Variants in BCL2L13 observed in about 807,000 individuals in gnomAD.
The protein encoded by BCL2L13 is BCL2 like 13, also known as bcl-2-like protein 13.
Under a neutral mutation model 25.8 loss-of-function variants are expected in BCL2L13, and 13 were observed. That is an observed-to-expected ratio of 0.50 (90% confidence interval 0.33 to 0.80). The LOEUF is 0.80. Ranked by LOEUF, BCL2L13 falls within the 30% of genes least tolerant of loss-of-function variation. The probability of loss-of-function intolerance (pLI) is 0.02; values close to 1 mark genes in which losing one functional copy is unlikely to be tolerated. For missense variants in BCL2L13, 504 were observed against 574.9 expected (o/e 0.88, Z 1.26); for synonymous variants, 244 against 230.3 (o/e 1.06, Z -0.54).
chr22:17,700,861 CT>C, intron 5 of BCL2L13, among the ~76,000 whole-genome samples: 1 of 152,282 alleles, frequency 6.6e-6, no homozygotes, highest in East Asian at 1.9e-4. Flanking sequence ...CTCTTCGTTT[CT>C]TTAGAAGCCA....
At chr22:17,716,641 A>G (rs1309266434) in intron 6 of BCL2L13, among the ~76,000 whole-genome samples, 3 of 152,230 alleles carry the variant, frequency 2.0e-5, no homozygotes, top group Admixed American at 1.3e-4. Context: ...GAAAACATTA[A>G]TGTGCTCAAG....
intron 4 of BCL2L13, among the ~76,000 whole-genome samples, chr22:17,693,507 G>A (rs1414257795): frequency 6.6e-6 from 1 of 150,966 alleles, no homozygotes; most frequent in Non-Finnish European, 1.5e-5. Flanking sequence ...AGTCTCCTGA[G>A]TAGCTGGGAT....
chr22:17,655,904 A>G, intron 2 of BCL2L13, 72 bp downstream of exon 2: 1 of 1,394,036 alleles, frequency 7.2e-7, no homozygotes. Context: ...ATATGTATCT[A>G]ATTTATATGT....
chr22:17,730,651 T>C lies in BCL2L13; in HGVS notation c.*3117T>C, dbSNP rs1395522465. 2.0e-5 allele frequency: 3 copies of C among 152,326 alleles called. No individual in the cohort carries two copies. Among genetic ancestry groups the C allele is most frequent in the Non-Finnish European group, 4.4e-5 (3 of 68,032 alleles). The allele number at this position is 152,326 out of a possible 1,614,324, so 9.4% of individuals were successfully genotyped here. On this transcript the variant is annotated 3_prime_UTR_variant, in exon 7 of 7. Transcript: ENST00000317582. ...TCCCTTTCTCTTAATTTCTTACATC[T>C]TTCCACACAAACTTATCTTTCCAAG...
chr22:17,719,966 A>G (rs926678992), intron 6 of BCL2L13, among the ~76,000 whole-genome samples: 1 of 152,170 alleles, frequency 6.6e-6, no homozygotes, highest in Non-Finnish European at 1.5e-5. Context: ...TTCTCAGAAT[A>G]GGCAATCCGT....
intron 2 of BCL2L13, among the ~76,000 whole-genome samples, chr22:17,664,422 C>G (rs552507336): frequency 9.8e-5 from 15 of 152,300 alleles, no homozygotes; most frequent in African/African-American, 2.9e-4. Context: ...GCCACCCCCC[C>G]CCGGCTCCTT....
intron 1 of BCL2L13, among the ~76,000 whole-genome samples, chr22:17,643,625 T>A (rs369260770): frequency 6.6e-6 from 1 of 152,082 alleles, no homozygotes; most frequent in South Asian, 2.1e-4. Context: ...TTTTTATTTT[T>A]ATTTTATTTA....
intron 6 of BCL2L13, among the ~76,000 whole-genome samples, chr22:17,721,021 G>A (rs1010792364): frequency 2.6e-5 from 4 of 151,824 alleles, no homozygotes; most frequent in African/African-American, 7.3e-5. Context: ...CAAAAAATTA[G>A]CCAGGCATGG....
At chr22:17,636,641 A>T (rs1601438947), upstream of BCL2L13, among the ~76,000 whole-genome samples, 1 of 151,724 alleles carries the variant, frequency 6.6e-6, no homozygotes, top group Non-Finnish European at 1.5e-5. Context: ...ATACAAAAAA[A>T]AAATATTAGC....
At chr22:17,651,205 G>A (rs1601515300) in intron 1 of BCL2L13, among the ~76,000 whole-genome samples, 1 of 151,772 alleles carries the variant, frequency 6.6e-6, no homozygotes, top group Non-Finnish European at 1.5e-5. Flanking sequence ...TCACCATGTT[G>A]GCCAGGATGG....
chr22:17,688,417 T>C (rs1431971691), intron 3 of BCL2L13, among the ~76,000 whole-genome samples: 1 of 152,226 alleles, frequency 6.6e-6, no homozygotes, highest in African/African-American at 2.4e-5. Flanking sequence ...AGTGCCAGTT[T>C]TATAAATGTA....
intron 1 of BCL2L13, among the ~76,000 whole-genome samples, chr22:17,646,951 ATATATTT>A (rs1470128878): frequency 2.8e-3 from 62 of 21,844 alleles, no homozygotes; most frequent in African/African-American, 0.01. Context: ...ATATATATAT[ATATATTT>A]TTTTTTTTTT....
At chr22:17,685,075 T>C (rs1327425625) in intron 3 of BCL2L13, among the ~76,000 whole-genome samples, 1 of 151,932 alleles carries the variant, frequency 6.6e-6, no homozygotes, top group Non-Finnish European at 1.5e-5. Flanking sequence ...GGTTTCTCCA[T>C]GTTGCTCAGG....
At chr22:17,633,296 G>A (rs58006890) in intron 1 of BCL2L13, among the ~76,000 whole-genome samples, 2,384 of 152,168 alleles carry the variant, frequency 0.016, 59 homozygotes, top group African/African-American at 0.053. Context: ...ATTCACCAAG[G>A]AACAGGCCAG....
At chr22:17,674,475 G>A (rs1004120951) in intron 2 of BCL2L13, among the ~76,000 whole-genome samples, 8 of 151,914 alleles carry the variant, frequency 5.3e-5, no homozygotes, top group South Asian at 2.1e-4. Flanking sequence ...GCATGGTTCC[G>A]GGCGCCTGTA....
chr22:17,684,493 G>T, intron 3 of BCL2L13: 1 of 436,846 alleles, frequency 2.3e-6, no homozygotes, highest in Non-Finnish European at 4.6e-6. Flanking sequence ...GGCACCCACT[G>T]ATCTCCATTC....
At position 17,683,211 on chromosome 22, in the gene BCL2L13, C is replaced by A; in HGVS notation, c.122-3C>A. The A allele has an allele frequency of 6.8e-7, 1 of 1,474,488 alleles. No homozygotes were observed. The allele number at this position is 1,474,488 out of a possible 1,614,324, so 91.3% of individuals were successfully genotyped here. On this transcript the variant is annotated splice_region_variant and splice_polypyrimidine_tract_variant and intron_variant, in intron 2 of 6. Transcript: ENST00000317582. ...CAATAATAACCTTTTTTGTTGCTTTCAGGGGTTCAACTAGATATAGCTTCA... is the reference window on the plus strand; with the variant it reads ...CAATAATAACCTTTTTTGTTGCTTTAAGGGGTTCAACTAGATATAGCTTCA...
At chr22:17,702,148 G>A in intron 5 of BCL2L13, 95 bp from the exon 6 acceptor site, 2 of 944,604 alleles carry the variant, frequency 2.1e-6, no homozygotes, top group Admixed American at 5.4e-5. Context: ...ATACCTTAAT[G>A]ATGCATTTAA....
intron 1 of BCL2L13, among the ~76,000 whole-genome samples, chr22:17,631,700 ATATATAT>A (rs2058030320): frequency 4.7e-5 from 1 of 21,212 alleles, no homozygotes; most frequent in Non-Finnish European, 1.1e-4. Context: ...ATATATATAT[ATATATAT>A]TTTTTTTTTT....
Sources: gnomAD v4.1 joint callset for allele counts (sites outside exome capture counted in the v4.1 genomes callset) on GRCh38, gnomAD v4.1.1 for gene constraint, MANE v1.5 for transcripts, NCBI Gene and HGNC (gene_info 2026-07-23, HGNC 2026-07-21) for gene names.